The following LANCL1 variants were observed in gnomAD, a reference collection of about 807,000 sequenced individuals.
The protein encoded by LANCL1 is glutathione S-transferase LANCL1.
In LANCL1, 50 loss-of-function variants were observed where a neutral mutation model predicts 50.6. The ratio of observed to expected loss-of-function variants is 0.99; its 90% CI spans 0.79 to 1.25. LANCL1 has a LOEUF of 1.25. Among genes scored for constraint, LANCL1 ranks in the 50% most tolerant of loss-of-function variants. The pLI is 0.00. For synonymous variants in LANCL1, 188 were observed against 178.6 expected, an observed-to-expected ratio of 1.05 and a Z score of -0.42; for missense variants, 532 against 480.7, an observed-to-expected ratio of 1.11 and a Z score of -1.00.
At chr2:210,477,137 C>CT (rs1406493053), upstream of LANCL1, among the ~76,000 whole-genome samples, 1 of 152,032 alleles carries the variant, frequency 6.6e-6, no homozygotes, top group Non-Finnish European at 1.5e-5. Context: ...CCAATCTTTT[C>CT]TTTTCATTTC....
chr2:210,477,536 C>T (rs939137055), upstream of LANCL1: 2 of 1,312,268 alleles, frequency 1.5e-6, no homozygotes, highest in Admixed American at 3.5e-5. Context: ...TTCCTTCTCT[C>T]CGGTTTCAAT....
At chr2:210,471,867 T>G in intron 3 of LANCL1, 92 bp downstream of exon 3, 1 of 905,242 alleles carries the variant, frequency 1.1e-6, no homozygotes, top group Non-Finnish European at 1.8e-6. Flanking sequence ...AGGAAGCATT[T>G]AAGGGTGTAC....
At chr2:210,473,378 A>G (rs751309697) in intron 2 of LANCL1, among the ~76,000 whole-genome samples, 10 of 151,962 alleles carry the variant, frequency 6.6e-5, no homozygotes, top group Admixed American at 5.2e-4. Context: ...TCCATCTCAA[A>G]CAACAACAAC....
At chr2:210,444,519 T>C (rs1693250476) in intron 4 of LANCL1, among the ~76,000 whole-genome samples, 1 of 152,112 alleles carries the variant, frequency 6.6e-6, no homozygotes, top group African/African-American at 2.4e-5. Context: ...AAAGTGGGGG[T>C]TGAAAAAGCA....
At position 210,441,328 on chromosome 2, in the gene LANCL1, G is replaced by A. The variant is rs1693125077; in HGVS notation, c.523C>T (p.Pro175Ser). 2 of 1,612,518 alleles carry A rather than the reference G, an allele frequency of 1.2e-6. No individual in the cohort carries two copies. Among genetic ancestry groups the A allele is most frequent in the Non-Finnish European group, 1.7e-6 (2 of 1,179,114 alleles). Residue 175 changes from proline (P) to serine (S), a missense_variant, in exon 5 of 10, where the codon CCT becomes TCT. Pro to Ser is a moderately conservative substitution (Grantham distance 74). Coordinates refer to ENST00000450366, the MANE Select transcript of LANCL1 (RefSeq NM_006055.3). ...VNKNFGVEKIPQSHIQQICET... is the reference protein window; with the variant it reads ...VNKNFGVEKISQSHIQQICET... ...GGTACCTGCTGAATATGGCTTTGAG[G>A]AATCTTTTCCACTCCAAAGTTCTTA...
intron 7 of LANCL1, 32 bp downstream of exon 7, chr2:210,437,658 A>T: frequency 7.2e-7 from 1 of 1,391,276 alleles, no homozygotes; most frequent in Non-Finnish European, 9.5e-7. Flanking sequence ...TTGGTTATTT[A>T]AAAAAATTTA....
At chr2:210,461,190 G>A (rs1408052678) in intron 3 of LANCL1, among the ~76,000 whole-genome samples, 1 of 151,766 alleles carries the variant, frequency 6.6e-6, no homozygotes, top group Non-Finnish European at 1.5e-5. Flanking sequence ...AAGCCCAATG[G>A]TGGTGTCTAA....
chr2:210,460,564 T>G (rs1481466968), intron 3 of LANCL1: 1 of 152,242 alleles, frequency 6.6e-6, no homozygotes, highest in Non-Finnish European at 1.5e-5. Flanking sequence ...TCTAACATGT[T>G]CCTTTGTAAT....
intron 3 of LANCL1, among the ~76,000 whole-genome samples, chr2:210,469,448 C>T (rs766888097): frequency 2.4e-4 from 37 of 152,154 alleles, no homozygotes; most frequent in Non-Finnish European, 1.8e-4. Context: ...AGCTTTTTAA[C>T]AGTGTTCGAT....
chr2:210,450,282 G>A (rs1574425010), intron 4 of LANCL1, among the ~76,000 whole-genome samples: 1 of 152,144 alleles, frequency 6.6e-6, no homozygotes, highest in South Asian at 2.1e-4. Flanking sequence ...GGGATAACTG[G>A]CCAGCCATAT....
chr2:210,461,217 C>A, intron 3 of LANCL1, among the ~76,000 whole-genome samples: 1 of 152,030 alleles, frequency 6.6e-6, no homozygotes, highest in Non-Finnish European at 1.5e-5. Context: ...CAATTGCATT[C>A]ATCTATCTAG....
chr2:210,476,258 A>C (rs1574449887), intron 2 of LANCL1, 58 bp downstream of exon 2: 2 of 1,263,132 alleles, frequency 1.6e-6, no homozygotes, highest in Non-Finnish European at 2.3e-6. Context: ...AAAAATGAGC[A>C]CCTTTCCGAA....
intron 4 of LANCL1, among the ~76,000 whole-genome samples, chr2:210,446,195 C>T (rs969677110): frequency 1.3e-5 from 2 of 151,256 alleles, no homozygotes; most frequent in Non-Finnish European, 1.5e-5. Flanking sequence ...GGTCGACAGA[C>T]ACCTCATACA....
chr2:210,441,229 G>A, intron 5 of LANCL1, 79 bp downstream of exon 5: 1 of 1,404,934 alleles, frequency 7.1e-7, no homozygotes, highest in South Asian at 1.3e-5. Flanking sequence ...GCTAACTACA[G>A]AGACATAAAC....
intron 4 of LANCL1, among the ~76,000 whole-genome samples, chr2:210,446,885 G>A (rs900867127): frequency 6.6e-6 from 1 of 152,134 alleles, no homozygotes; most frequent in Non-Finnish European, 1.5e-5. Flanking sequence ...TGCTGTACCT[G>A]AAAGCGACGG....
At chr2:210,459,501 A>C (rs1255388887) in intron 3 of LANCL1, among the ~76,000 whole-genome samples, 1 of 152,164 alleles carries the variant, frequency 6.6e-6, no homozygotes, top group African/African-American at 2.4e-5. Context: ...AGTAAACACA[A>C]TTTAAAATTC....
chr2:210,464,279 C>A (rs1320879449), intron 3 of LANCL1, among the ~76,000 whole-genome samples: 2 of 152,150 alleles, frequency 1.3e-5, no homozygotes, highest in East Asian at 3.8e-4. Context: ...TTGTAATAAT[C>A]ATTTTACTAA....
At chr2:210,454,159 T>C (rs1272866983) in intron 4 of LANCL1, among the ~76,000 whole-genome samples, 1 of 151,374 alleles carries the variant, frequency 6.6e-6, no homozygotes, top group Non-Finnish European at 1.5e-5. Flanking sequence ...AAAAGTTAGT[T>C]ACAATAAGAA....
At position 210,437,729 on chromosome 2, in the gene LANCL1, G is replaced by A. The variant is rs138142706; in HGVS notation, c.834C>T (p.Gly278=). ...NRDLLVHWCH[G]APGVIYMLIQ... is the part of the protein sequence containing the mutation. ...TGAGCATGTAGATTACCCCAGGGGCGCCATGGCACCAATGGACAAGCAGAT... is the reference window on the plus strand; with the variant it reads ...TGAGCATGTAGATTACCCCAGGGGCACCATGGCACCAATGGACAAGCAGAT... Residue 278 remains glycine, a synonymous_variant, in exon 7 of 10, where the codon GGC becomes GGT. Coordinates refer to ENST00000450366, the MANE Select transcript of LANCL1 (RefSeq NM_006055.3). 5.6e-4 allele frequency: 897 copies of A among 1,609,964 alleles called. 8 individuals are homozygous for A. Among genetic ancestry groups the A allele is most frequent in the Middle Eastern group, 3.3e-4 (2 of 6,040 alleles).
Sources: gnomAD v4.1 joint callset for allele counts (sites outside exome capture counted in the v4.1 genomes callset) on GRCh38, gnomAD v4.1.1 for gene constraint, MANE v1.5 for transcripts, NCBI Gene and HGNC (gene_info 2026-07-23, HGNC 2026-07-21) for gene names.